Variants in IGF2R observed in about 807,000 individuals in gnomAD.
IGF2R encodes insulin like growth factor 2 receptor.
Under a neutral mutation model 270.6 loss-of-function variants are expected in IGF2R, and 91 were observed. The ratio of observed to expected loss-of-function variants is 0.34; its 90% CI spans 0.28 to 0.40. The LOEUF is 0.40. IGF2R is among the 10% of genes least tolerant of loss of function. IGF2R has a pLI of 1.00. For missense variants in IGF2R, 2,805 were observed against 3,188.3 expected, an observed-to-expected ratio of 0.88 and a Z score of 2.90; for synonymous variants, 1,316 against 1,258.9, an observed-to-expected ratio of 1.05 and a Z score of -0.96.
Position 160,104,944 on chromosome 6 carries a change from C to T in IGF2R, c.7336C>T (p.Arg2446Cys), listed in dbSNP as rs781717139. The change falls in exon 48 of 48, where the codon CGT (arginine) becomes TGT (cysteine). Residue 2446 changes from arginine (R) to cysteine (C), a missense_variant. Arg to Cys is a radical substitution (Grantham distance 180). This residue lies in a region of IGF2R where 1,851 missense variants were observed against 2,207.2 expected (regional missense o/e 0.84). Transcript: ENST00000356956. The part of the protein sequence containing the change: ...RNAQSNALQE[R>C]EDDRVGLVRG... The stretch of plus-strand genomic sequence containing the variant: ...CGCACAGAGCAATGCCCTTCAGGAG[C>T]GTGAGGACGATAGGGTGGGGCTGGT... 8.7e-6 allele frequency: 14 copies of T among 1,614,066 alleles called. 1 individual carries two copies. The highest frequency in any genetic ancestry group is 2.2e-5 in the South Asian group (2 of 91,072).
At chr6:160,089,830 G>T (rs1335455980) in intron 43 of IGF2R, 86 bp from the exon 44 acceptor site, 3 of 911,648 alleles carry the variant, frequency 3.3e-6, no homozygotes, top group Non-Finnish European at 4.8e-6. Flanking sequence ...CTGGGGCCCT[G>T]CAGTGATTCT....
rs59531292 is a variant in IGF2R, at chr6:159,988,512, CAAAAAAAAAA to C, written c.150-2657_150-2648del. ...TGGGCGACAGAGTGAGACTCCGTCT[CAAAAAAAAAA>C]AAAAAAAAAAAAAAGAAAAGCATAG... On this transcript the variant is annotated intron_variant, in intron 1 of 47. Transcript: ENST00000356956. Among the ~76,000 whole-genome samples, 4 of 50,480 alleles carry C rather than the reference CAAAAAAAAAA, an allele frequency of 7.9e-5. No homozygotes were observed. The East Asian group carries it at 1.3e-3, about 16-fold the overall frequency. 33.1% of individuals were successfully genotyped at this position (50,480 alleles called of 152,430 possible).
At chr6:160,048,265 G>A in intron 17 of IGF2R, 110 bp from the exon 18 acceptor site, 3 of 1,027,282 alleles carry the variant, frequency 2.9e-6, no homozygotes, top group Admixed American at 2.0e-5. Context: ...TAGTGTGATT[G>A]GTGGAGCATG....
chr6:159,989,587 A>T (rs1018773402), intron 1 of IGF2R, among the ~76,000 whole-genome samples: 1 of 152,210 alleles, frequency 6.6e-6, no homozygotes, highest in Non-Finnish European at 1.5e-5. Flanking sequence ...CAGTTTTTGC[A>T]TTGAAAATAA....
intron 45 of IGF2R, among the ~76,000 whole-genome samples, chr6:160,097,724 T>A (rs1334983747): frequency 6.6e-6 from 1 of 152,220 alleles, no homozygotes; most frequent in Non-Finnish European, 1.5e-5. Flanking sequence ...TTCCTTCATG[T>A]CCTGAAAAAG....
intron 42 of IGF2R, 123 bp from the exon 43 acceptor site, chr6:160,088,984 C>CT: frequency 1.0e-6 from 1 of 991,832 alleles, no homozygotes; most frequent in Non-Finnish European, 1.4e-6. Context: ...CAACTGAAGT[C>CT]TCGCAGCACC....
At position 160,102,721 on chromosome 6, in the gene IGF2R, A is replaced by G. The variant is rs1376501221; in HGVS notation, c.6995+50A>G. The stretch of plus-strand genomic sequence containing the variant: ...GGGCGGGTGGATGCATGCCTCCCAT[A>G]GCTAATCTTGGGGTCAGTTTTGTGG... On this transcript the variant is annotated intron_variant, in intron 46 of 47. Coordinates refer to ENST00000356956, the MANE Select transcript of IGF2R (RefSeq NM_000876.4). This position sits in a 1 kb window ranked among gnomAD's most constrained non-coding sequence, Gnocchi z 4.5. 2.6e-6 allele frequency: 4 copies of G among 1,528,604 alleles called. No homozygotes were observed. Among genetic ancestry groups the G allele is most frequent in the Non-Finnish European group, 3.6e-6 (4 of 1,125,654 alleles). 94.7% of individuals were successfully genotyped at this position (1,528,604 alleles called of 1,614,324 possible).
At position 160,105,090 on chromosome 6, in the gene IGF2R, C is replaced by T. The variant is rs547657634; in HGVS notation, c.*6C>T. ...AGGACCTCTTACACATCTGACTCCG[C>T]AGTGCCTGCAGGGGAGCACGGAGCC... On this transcript the variant is annotated 3_prime_UTR_variant, in exon 48 of 48. Transcript: ENST00000356956. 2.6e-6 allele frequency: 4 copies of T among 1,555,820 alleles called. No individual in the cohort carries two copies. In the South Asian group the frequency reaches 3.7e-5, roughly 14 times the overall value.
intron 2 of IGF2R, among the ~76,000 whole-genome samples, chr6:159,993,581 G>A (rs532022257): frequency 6.6e-6 from 1 of 152,244 alleles, no homozygotes; most frequent in South Asian, 2.1e-4. Context: ...TGATCTGTGT[G>A]CCTATTTTTA....
chr6:159,974,905 G>A (rs1783665236), intron 1 of IGF2R, among the ~76,000 whole-genome samples: 1 of 152,114 alleles, frequency 6.6e-6, no homozygotes, highest in African/African-American at 2.4e-5. Flanking sequence ...AATTTTTGTG[G>A]TTTAATTTTT....
In IGF2R at chr6:160,107,797, A is replaced by G. The variant is rs1036991962; in HGVS notation, c.*2713A>G. ...AATACGTAACACGAGATGATTCCTC[A>G]GGAAGGAACATATAGACATACAGAC... is the stretch of plus-strand genomic sequence containing the variant. On this transcript the variant is annotated 3_prime_UTR_variant, in exon 48 of 48. Coordinates refer to ENST00000356956, the MANE Select transcript of IGF2R (RefSeq NM_000876.4). 1 of 152,264 alleles carries G rather than the reference A, an allele frequency of 6.6e-6. No homozygotes were observed. The highest frequency in any genetic ancestry group is 1.5e-5 in the Non-Finnish European group (1 of 68,040). The allele number at this position is 152,264 out of a possible 1,614,324, so 9.4% of individuals were successfully genotyped here.
chr6:160,061,365 C>T, intron 23 of IGF2R, 138 bp from the exon 24 acceptor site: 2 of 786,978 alleles, frequency 2.5e-6, no homozygotes, highest in Non-Finnish European at 4.2e-6. Flanking sequence ...AGCCTCTCAG[C>T]CTCCCGTGGA....
chr6:160,064,867 T>A lies in IGF2R; in HGVS notation c.4081T>A (p.Cys1361Ser). ...GTTTGAGTGGCGAACGCAGTATGCC[T>A]GCCCACCTTTCGATCTGACTGAATG... ...YLFEWRTQYA[C>S]PPFDLTECSF... The change falls in exon 29 of 48, where the codon TGC (cysteine) becomes AGC (serine). Residue 1361 changes from cysteine (C) to serine (S), a missense_variant. Cys to Ser is a moderately radical substitution (Grantham distance 112). Around this residue, in one of 2 missense-constraint regions of IGF2R, gnomAD observed 1,851 missense variants for 2,207.2 expected, o/e 0.84. Coordinates refer to ENST00000356956, the MANE Select transcript of IGF2R (RefSeq NM_000876.4). 6.2e-7 allele frequency: 1 copy of A among 1,613,250 alleles called. No homozygotes were observed. The highest frequency in any genetic ancestry group is 8.5e-7 in the Non-Finnish European group (1 of 1,179,096).
At chr6:160,055,642 AGT>A (rs1450580906) in intron 19 of IGF2R, among the ~76,000 whole-genome samples, 1 of 152,116 alleles carries the variant, frequency 6.6e-6, no homozygotes, top group Admixed American at 6.6e-5. Flanking sequence ...ACTCAGTGTT[AGT>A]GGCTGTTGTT....
At chr6:159,985,992 C>T (rs1783876583) in intron 1 of IGF2R, among the ~76,000 whole-genome samples, 1 of 152,140 alleles carries the variant, frequency 6.6e-6, no homozygotes, top group Non-Finnish European at 1.5e-5. Context: ...ATCAGGCTGC[C>T]TCCCTTGAGG....
chr6:160,024,172 A>C (rs1027256183), intron 4 of IGF2R, among the ~76,000 whole-genome samples: 10 of 152,142 alleles, frequency 6.6e-5, no homozygotes, highest in African/African-American at 2.4e-4. Context: ...GGAAGGCAGG[A>C]AGAGGAGAAG....
chr6:160,066,207 G>A (rs1446311945), intron 29 of IGF2R, among the ~76,000 whole-genome samples: 1 of 151,894 alleles, frequency 6.6e-6, no homozygotes, highest in Non-Finnish European at 1.5e-5. Context: ...AGTAGAGATG[G>A]GGTTCCACTA....
At chr6:160,008,391 G>T (rs900690429) in intron 2 of IGF2R, among the ~76,000 whole-genome samples, 8 of 152,018 alleles carry the variant, frequency 5.3e-5, no homozygotes, top group Non-Finnish European at 4.4e-5. Context: ...CTAGTCGATT[G>T]GTCTCTATTC....
rs1054365170 is a variant in IGF2R at position 160,102,733 on chromosome 6, G to A, written c.6995+62G>A. The A allele has an allele frequency of 7.3e-6, 11 of 1,509,270 alleles. No individual in the cohort carries two copies. The highest frequency in any genetic ancestry group is 9.9e-6 in the Non-Finnish European group (11 of 1,114,810). 93.5% of individuals were successfully genotyped at this position (1,509,270 alleles called of 1,614,324 possible). A position where few individuals can be genotyped will look rare whatever the true frequency, so the allele number is the denominator to read the frequency against. ...GCATGCCTCCCATAGCTAATCTTGG[G>A]GTCAGTTTTGTGGGGTTTTATTTAT... On this transcript the variant is annotated intron_variant, in intron 46 of 47. Transcript: ENST00000356956. This position sits in a 1 kb window ranked among gnomAD's most constrained non-coding sequence, Gnocchi z 4.5.
Sources: gnomAD v4.1 joint callset for allele counts (sites outside exome capture counted in the v4.1 genomes callset) on GRCh38, gnomAD v4.1.1 for gene constraint, gnomAD v4.1.1 regional missense constraint, Gnocchi (gnomAD v3.1) non-coding constraint, MANE v1.5 for transcripts, NCBI Gene and HGNC (gene_info 2026-07-23, HGNC 2026-07-21) for gene names.